Variants in AIG1 observed in about 807,000 individuals in gnomAD.
AIG1 encodes androgen-induced gene 1 protein.
AIG1 carries 23 observed loss-of-function variants against 31.4 expected under a neutral mutation model. The ratio of observed to expected loss-of-function variants is 0.73; its 90% CI spans 0.53 to 1.04. The LOEUF (loss-of-function observed/expected upper bound fraction) is 1.04, where lower values mean the gene tolerates loss of function less well. Ranked by LOEUF, AIG1 falls within the 50% of genes least tolerant of loss-of-function variation. AIG1 has a pLI of 0.00. For synonymous variants in AIG1, 100 were observed against 110.5 expected, an observed-to-expected ratio of 0.90 and a Z score of 0.60; for missense variants, 274 against 295.0, an observed-to-expected ratio of 0.93 and a Z score of 0.52.
intron 3 of AIG1, among the ~76,000 whole-genome samples, chr6:143,198,215 G>T (rs1355331852): frequency 6.6e-6 from 1 of 152,206 alleles, no homozygotes; most frequent in East Asian, 1.9e-4. Context: ...CCATTTTACA[G>T]ATTTTTAAGG....
At position 143,108,329 on chromosome 6, in the gene AIG1, A is replaced by G. The variant is rs374773809; in HGVS notation, c.142-28506A>G. On this transcript the variant is annotated intron_variant, in intron 1 of 5. Coordinates refer to ENST00000357847, the MANE Select transcript of AIG1 (RefSeq NM_016108.4). ...CATAGCATTTAAGAAAAATTACTCA[A>G]TGTAAGACAATATCTTGAGAAACCT... Among the ~76,000 whole-genome samples, 10 of 152,324 alleles carry G rather than the reference A, an allele frequency of 6.6e-5. No individual in the cohort carries two copies. The East Asian group carries it at 7.7e-4, about 12-fold the overall frequency.
rs1429515139 is a variant in AIG1, at chr6:143,298,561, C to T, written c.515+14336C>T. Among the ~76,000 whole-genome samples the T allele has an allele frequency of 6.6e-6, 1 of 152,106 alleles. No individual in the cohort carries two copies. The highest frequency in any genetic ancestry group is 1.5e-5 in the Non-Finnish European group (1 of 68,014). On this transcript the variant is annotated intron_variant, in intron 4 of 5. Transcript: ENST00000357847. The surrounding 1 kb of genome is among the most constrained non-coding windows in gnomAD (Gnocchi z 5.1). Reference sequence around the variant, plus strand: ...ATTTAAAAGTAGCCAGGTGTGGTGGCTCATGTCTGTAACCCTAGTCAGGAG... The same window carrying T: ...ATTTAAAAGTAGCCAGGTGTGGTGGTTCATGTCTGTAACCCTAGTCAGGAG...
chr6:143,104,580 T>C (rs1472171612), intron 1 of AIG1, among the ~76,000 whole-genome samples: 2 of 152,174 alleles, frequency 1.3e-5, no homozygotes, highest in African/African-American at 4.8e-5. Flanking sequence ...TTTTATGTTT[T>C]AGTGCTGGAT....
chr6:143,232,860 G>A (rs532267842), intron 3 of AIG1, among the ~76,000 whole-genome samples: 113 of 152,242 alleles, frequency 7.4e-4, no homozygotes, highest in Non-Finnish European at 1.0e-3. Context: ...CTGCCTATCA[G>A]TACATGTTTA....
chr6:143,283,951 G>A (rs1442059025), intron 3 of AIG1, among the ~76,000 whole-genome samples, 159 bp from the exon 4 acceptor site: 1 of 152,194 alleles, frequency 6.6e-6, no homozygotes, highest in Non-Finnish European at 1.5e-5. Flanking sequence ...AACGCACTAT[G>A]TGGTTTTACG....
chr6:143,306,987 T>C (rs1352461706), intron 4 of AIG1, among the ~76,000 whole-genome samples: 1 of 152,224 alleles, frequency 6.6e-6, no homozygotes, highest in Admixed American at 6.5e-5. Flanking sequence ...TTCCAGTTGA[T>C]CACATCGGCT....
At chr6:143,287,433 T>C (rs1797761317) in intron 4 of AIG1, among the ~76,000 whole-genome samples, 1 of 152,174 alleles carries the variant, frequency 6.6e-6, no homozygotes, top group Non-Finnish European at 1.5e-5. Context: ...CACTGGACTC[T>C]TGCCAGAACT....
chr6:143,302,535 C>T (rs1798904651), intron 4 of AIG1, among the ~76,000 whole-genome samples: 1 of 152,076 alleles, frequency 6.6e-6, no homozygotes. Flanking sequence ...TCATCCATGT[C>T]CCTACAAAGG....
In AIG1 at chr6:143,136,991, G is replaced by A; in HGVS notation, c.297+1G>A. 1 of 1,415,012 alleles carries A rather than the reference G, an allele frequency of 7.1e-7. No individual in the cohort carries two copies. Among genetic ancestry groups the A allele is most frequent in the South Asian group, 1.7e-5 (1 of 57,584 alleles). 87.7% of individuals were successfully genotyped at this position (1,415,012 alleles called of 1,614,324 possible). A position where few individuals can be genotyped will look rare whatever the true frequency, so the allele number is the denominator to read the frequency against. ...TGTGTTGGCCTTTCCTGTTGGGGTT[G>A]TGAGTATGATGGAGGATGCATTTAG... is the stretch of plus-strand genomic sequence containing the variant. On this transcript the variant is annotated splice_donor_variant, in intron 2 of 5. Transcript: ENST00000357847. LOFTEE classifies it high-confidence loss of function.
intron 3 of AIG1, among the ~76,000 whole-genome samples, chr6:143,271,561 T>C (rs1056026682): frequency 2.0e-5 from 3 of 152,188 alleles, no homozygotes; most frequent in Non-Finnish European, 4.4e-5. Flanking sequence ...ATTAAAACCA[T>C]TTGAAATCAT....
Position 143,104,814 on chromosome 6 carries a change from G to A in AIG1, c.142-32021G>A, listed in dbSNP as rs576380778. Among the ~76,000 whole-genome samples, 5 of 152,170 alleles carry A rather than the reference G, an allele frequency of 3.3e-5. No homozygotes were observed. In the South Asian group the frequency reaches 1.0e-3, roughly 32 times the overall value. On this transcript the variant is annotated intron_variant, in intron 1 of 5. Transcript: ENST00000357847. ...AGCTACTTGGGAGGCTGAGGCAGGAGGATTGCTTGAGCCTAGGAGTTCAAG... is the reference window on the plus strand; with the variant it reads ...AGCTACTTGGGAGGCTGAGGCAGGAAGATTGCTTGAGCCTAGGAGTTCAAG...
chr6:143,259,454 G>C (rs983030108), intron 3 of AIG1, among the ~76,000 whole-genome samples: 3 of 152,044 alleles, frequency 2.0e-5, no homozygotes, highest in African/African-American at 7.3e-5. Flanking sequence ...TGCATTGCGG[G>C]CTCATCTCTT....
chr6:143,140,493 G>T (rs1178794986), intron 2 of AIG1, among the ~76,000 whole-genome samples: 1 of 152,144 alleles, frequency 6.6e-6, no homozygotes, highest in Admixed American at 6.5e-5. Flanking sequence ...CTGCTCAAAA[G>T]GGTCTAGAAT....
intron 4 of AIG1, among the ~76,000 whole-genome samples, chr6:143,310,016 C>T (rs1775137401): frequency 6.6e-6 from 1 of 151,828 alleles, no homozygotes; most frequent in Admixed American, 6.6e-5. Flanking sequence ...ATAGAACTGC[C>T]AGGAAACATA....
At chr6:143,218,283 G>T (rs763350469) in intron 3 of AIG1, among the ~76,000 whole-genome samples, 2 of 152,076 alleles carry the variant, frequency 1.3e-5, no homozygotes, top group Admixed American at 1.3e-4. Context: ...AATTTCCAAC[G>T]TTGTGAAAAT....
intron 2 of AIG1, among the ~76,000 whole-genome samples, chr6:143,140,479 G>A (rs866511358): frequency 1.3e-5 from 2 of 151,890 alleles, no homozygotes; most frequent in Non-Finnish European, 2.9e-5. Context: ...CCCTGTTCCC[G>A]CAACTGCTCA....
rs757731819 is a variant in AIG1, at chr6:143,137,006, G to T, written c.297+16G>T. The T allele has an allele frequency of 1.5e-6, 2 of 1,361,570 alleles. No homozygotes were observed. The highest frequency in any genetic ancestry group is 9.6e-7 in the Non-Finnish European group (1 of 1,043,010). The allele number at this position is 1,361,570 out of a possible 1,614,324, so 84.3% of individuals were successfully genotyped here. ...TGTTGGGGTTGTGAGTATGATGGAG[G>T]ATGCATTTAGCCACAAAAGAAACTT... On this transcript the variant is annotated intron_variant, in intron 2 of 5. Coordinates refer to ENST00000357847, the MANE Select transcript of AIG1 (RefSeq NM_016108.4).
intron 1 of AIG1, among the ~76,000 whole-genome samples, chr6:143,072,768 G>A (rs1233569720): frequency 6.6e-6 from 1 of 152,080 alleles, no homozygotes; most frequent in Non-Finnish European, 1.5e-5. Flanking sequence ...TGTATTTAAG[G>A]TATACAACAT....
chr6:143,234,835 C>T (rs940996814), intron 3 of AIG1, among the ~76,000 whole-genome samples: 1 of 152,080 alleles, frequency 6.6e-6, no homozygotes, highest in African/African-American at 2.4e-5. Context: ...AGAAAGTGGC[C>T]TTTCATGACT....
Sources: allele counts gnomAD v4.1 joint callset (sites outside exome capture counted in the v4.1 genomes callset), GRCh38; gene constraint gnomAD v4.1.1; non-coding constraint Gnocchi (gnomAD v3.1); transcripts MANE v1.5; gene names NCBI Gene and HGNC (gene_info 2026-07-23, HGNC 2026-07-21).